The following TSHZ2 variants were observed in gnomAD, a reference collection of about 807,000 sequenced individuals.
TSHZ2 encodes teashirt zinc finger homeobox 2.
In TSHZ2, 21 loss-of-function variants were observed where a neutral mutation model predicts 74.4. The ratio of observed to expected loss-of-function variants is 0.28; its 90% CI spans 0.20 to 0.41. TSHZ2 has a LOEUF of 0.41. Among genes scored for constraint, TSHZ2 ranks in the 10% least tolerant of loss-of-function variants. The probability of loss-of-function intolerance (pLI) is 1.00; values close to 1 mark genes in which losing one functional copy is unlikely to be tolerated. For missense variants in TSHZ2, 1,244 were observed against 1,293.5 expected, an observed-to-expected ratio of 0.96 and a Z score of 0.59; for synonymous variants, 540 against 515.3, an observed-to-expected ratio of 1.05 and a Z score of -0.65.
intron 1 of TSHZ2, among the ~76,000 whole-genome samples, chr20:53,085,603 A>G (rs931409947): frequency 2.0e-5 from 3 of 152,170 alleles, no homozygotes; most frequent in Admixed American, 6.5e-5. Context: ...ATTACTTTGT[A>G]TGCATTGTAC....
intron 2 of TSHZ2, among the ~76,000 whole-genome samples, chr20:53,394,780 A>AG (rs1568898538): frequency 7.0e-6 from 1 of 142,682 alleles, no homozygotes; most frequent in Non-Finnish European, 1.5e-5. Flanking sequence ...AAAAAAAAAA[A>AG]CTGTTCTTCA....
chr20:53,263,532 C>T (rs1990645205), intron 2 of TSHZ2, among the ~76,000 whole-genome samples: 1 of 152,154 alleles, frequency 6.6e-6, no homozygotes, highest in East Asian at 1.9e-4. Context: ...TGTGAGCCCC[C>T]CAGTGTTCTA....
intron 1 of TSHZ2, among the ~76,000 whole-genome samples, chr20:53,054,894 C>T (rs935279849): frequency 4.6e-5 from 7 of 152,114 alleles, no homozygotes; most frequent in Admixed American, 4.6e-4. Context: ...AATGCTCATG[C>T]TCATTTAAAG....
chr20:53,252,042 C>G (rs1396043953), intron 1 of TSHZ2, among the ~76,000 whole-genome samples: 3 of 152,202 alleles, frequency 2.0e-5, no homozygotes, highest in African/African-American at 7.2e-5. Flanking sequence ...GTAATAGTGG[C>G]TACTTCATGC....
intron 1 of TSHZ2, among the ~76,000 whole-genome samples, chr20:53,223,898 AACACACACACAC>A (rs71675648): frequency 6.9e-6 from 1 of 145,396 alleles, no homozygotes; most frequent in Non-Finnish European, 1.5e-5. Flanking sequence ...TACAGGACTA[AACACACACACAC>A]ACACACACAC....
chr20:53,073,884 A>G (rs989715762), intron 1 of TSHZ2, among the ~76,000 whole-genome samples: 1 of 152,168 alleles, frequency 6.6e-6, no homozygotes, highest in South Asian at 2.1e-4. Flanking sequence ...TATACTATAC[A>G]TTAGCTAAAA....
rs1293439 is a variant in TSHZ2 at position 53,074,094 on chromosome 20, A to T, written c.40+100761A>T. On this transcript the variant is annotated intron_variant, in intron 1 of 2. Coordinates refer to ENST00000371497, the MANE Select transcript of TSHZ2 (RefSeq NM_173485.6). The surrounding 1 kb of genome is among the most constrained non-coding windows in gnomAD (Gnocchi z 5.9). ...CTAGCATTGTAAAAGACATGTACAT[A>T]CAACTGTCTCTCACCTTCATGACAT... Among the ~76,000 whole-genome samples the T allele has an allele frequency of 0.68, 104,170 of 152,098 alleles. 36,102 individuals carry two copies. Among genetic ancestry groups the T allele is most frequent in the African/African-American group, 0.77 (31,964 of 41,486 alleles).
At position 53,488,556 on chromosome 20, in the gene TSHZ2, C is replaced by T. The variant is rs1986356920; in HGVS notation, c.*1421C>T. ...ATCATTGCATTTAAACAATGAATTTCCTTATTCTCAAAGGACAAATACGTC... is the reference window on the plus strand; with the variant it reads ...ATCATTGCATTTAAACAATGAATTTTCTTATTCTCAAAGGACAAATACGTC... On this transcript the variant is annotated 3_prime_UTR_variant, in exon 3 of 3. Transcript: ENST00000371497. The T allele has an allele frequency of 6.0e-6, 1 of 167,282 alleles. No individual in the cohort carries two copies. Among genetic ancestry groups the T allele is most frequent in the Non-Finnish European group, 1.3e-5 (1 of 77,656 alleles). 10.4% of individuals were successfully genotyped at this position (167,282 alleles called of 1,614,324 possible). A position where few individuals can be genotyped will look rare whatever the true frequency, so the allele number is the denominator to read the frequency against.
At chr20:53,090,365 A>G (rs1985844693) in intron 1 of TSHZ2, among the ~76,000 whole-genome samples, 1 of 152,122 alleles carries the variant, frequency 6.6e-6, no homozygotes. Flanking sequence ...ATTCAATCAA[A>G]TCGACACTCA....
rs376044809 is a variant in TSHZ2, at chr20:53,402,735, G to A, written c.*9-84409G>A. Among the ~76,000 whole-genome samples the A allele has an allele frequency of 3.9e-5, 6 of 152,274 alleles. No individual in the cohort carries two copies. In the East Asian group the frequency reaches 7.7e-4, roughly 20 times the overall value. ...GGAGGAAACACATGCCAGGCAGTGG[G>A]ATGCTTGTGTGCAGAGTCCCCGGGG... On this transcript the variant is annotated intron_variant, in intron 2 of 2. Coordinates refer to ENST00000371497, the MANE Select transcript of TSHZ2 (RefSeq NM_173485.6).
At chr20:53,308,785 C>G (rs1978654100) in intron 2 of TSHZ2, among the ~76,000 whole-genome samples, 1 of 152,148 alleles carries the variant, frequency 6.6e-6, no homozygotes, top group South Asian at 2.1e-4. Context: ...TAGAAAACAA[C>G]CCCGTTATCG....
At chr20:53,192,292 TA>T (rs58001328) in intron 1 of TSHZ2, among the ~76,000 whole-genome samples, 45,785 of 136,886 alleles carry the variant, frequency 0.33, 7,107 homozygotes, top group Admixed American at 0.36. Flanking sequence ...CTTCTCTGGC[TA>T]AAAAAAAAAA....
intron 1 of TSHZ2, among the ~76,000 whole-genome samples, chr20:53,071,063 A>G (rs1032637541): frequency 3.3e-5 from 5 of 152,210 alleles, no homozygotes; most frequent in Admixed American, 2.0e-4. Flanking sequence ...TAACACTCAC[A>G]TTTATATTAC....
At chr20:53,182,182 CTTTTCTTTCTTTCTTCT>C (rs367605648) in intron 1 of TSHZ2, among the ~76,000 whole-genome samples, 183 of 145,050 alleles carry the variant, frequency 1.3e-3, no homozygotes, top group African/African-American at 4.3e-3. Context: ...TTCTTCCTTC[CTTTTCTTTCTTTCTTCT>C]TCTCTTCCTC....
At chr20:53,228,229 G>C (rs901077314) in intron 1 of TSHZ2, among the ~76,000 whole-genome samples, 3 of 151,708 alleles carry the variant, frequency 2.0e-5, no homozygotes, top group African/African-American at 7.3e-5. Flanking sequence ...TCTGGAAGTC[G>C]ACCACATAGG....
chr20:53,006,674 G>A (rs1020778285), intron 1 of TSHZ2, among the ~76,000 whole-genome samples: 1 of 152,182 alleles, frequency 6.6e-6, no homozygotes, highest in Non-Finnish European at 1.5e-5. Flanking sequence ...TAAATCACAC[G>A]TGGTACCTGA....
chr20:53,104,698 T>C (rs1487760738), intron 1 of TSHZ2, among the ~76,000 whole-genome samples: 5 of 152,192 alleles, frequency 3.3e-5, no homozygotes, highest in South Asian at 4.1e-4. Flanking sequence ...GAAGAACTTA[T>C]TACGGAGGCT....
At chr20:53,094,566 A>G (rs1985981894) in intron 1 of TSHZ2, among the ~76,000 whole-genome samples, 1 of 152,162 alleles carries the variant, frequency 6.6e-6, no homozygotes, top group South Asian at 2.1e-4. Flanking sequence ...TTTCAAATTT[A>G]CCCAATGGTA....
chr20:53,402,030 G>A (rs551793495), intron 2 of TSHZ2, among the ~76,000 whole-genome samples: 35 of 152,058 alleles, frequency 2.3e-4, no homozygotes, highest in Admixed American at 1.4e-3. Context: ...TGATCTGCCC[G>A]CCTTGGCCTC....
Sources: allele counts gnomAD v4.1 joint callset (sites outside exome capture counted in the v4.1 genomes callset), GRCh38; gene constraint gnomAD v4.1.1; non-coding constraint Gnocchi (gnomAD v3.1); transcripts MANE v1.5; gene names NCBI Gene and HGNC (gene_info 2026-07-23, HGNC 2026-07-21).